SUMF1: variants seen among roughly 807,000 people sequenced by gnomAD.
The protein encoded by SUMF1 is sulfatase modifying factor 1.
A neutral mutation model predicts 47.6 loss-of-function variants in SUMF1; 48 were observed. That is an observed-to-expected ratio of 1.01 (90% CI 0.80 to 1.28). The LOEUF (loss-of-function observed/expected upper bound fraction) is 1.28, where lower values mean the gene tolerates loss of function less well. Ranked by LOEUF, SUMF1 falls within the 50% of genes most tolerant of loss-of-function variation. The pLI, the probability that SUMF1 is intolerant of heterozygous loss-of-function variation, is 0.00. For missense variants in SUMF1, 571 were observed against 485.4 expected (o/e 1.18, Z -1.66); for synonymous variants, 230 against 192.1 (o/e 1.20, Z -1.63).
intron 8 of SUMF1, among the ~76,000 whole-genome samples, chr3:4,190,958 A>C (rs765477022): frequency 5.9e-5 from 9 of 152,178 alleles, no homozygotes; most frequent in African/African-American, 9.7e-5. Context: ...CATTCTAGTG[A>C]AGCCAGACAG....
chr3:4,319,600 T>G (rs1698778265), intron 8 of SUMF1, among the ~76,000 whole-genome samples: 1 of 152,186 alleles, frequency 6.6e-6, no homozygotes, highest in South Asian at 2.1e-4. Flanking sequence ...AAGGGTCAAT[T>G]TCCATGTGTG....
intron 8 of SUMF1, among the ~76,000 whole-genome samples, chr3:4,149,241 C>T (rs910763410): frequency 2.0e-5 from 3 of 152,090 alleles, no homozygotes; most frequent in African/African-American, 4.8e-5. Flanking sequence ...AATAAATTAA[C>T]AGCAATCATG....
intron 8 of SUMF1, among the ~76,000 whole-genome samples, chr3:4,216,228 A>G (rs548899601): frequency 1.8e-4 from 27 of 152,348 alleles, no homozygotes; most frequent in Non-Finnish European, 3.8e-4. Context: ...GGCCTCAGAA[A>G]TAACACCACA....
At chr3:4,240,703 T>C (rs1224342920) in intron 8 of SUMF1, among the ~76,000 whole-genome samples, 1 of 152,020 alleles carries the variant, frequency 6.6e-6, no homozygotes, top group Non-Finnish European at 1.5e-5. Flanking sequence ...TTTCATAAAA[T>C]GTTATAAAGC....
intron 8 of SUMF1, among the ~76,000 whole-genome samples, chr3:4,367,400 G>A (rs62257904): frequency 0.019 from 2,849 of 152,264 alleles, 44 homozygotes; most frequent in East Asian, 0.059. Flanking sequence ...AGCTGCTTAG[G>A]TTATACTGCC....
At chr3:4,150,461 C>A (rs575901102) in intron 8 of SUMF1, among the ~76,000 whole-genome samples, 1 of 151,042 alleles carries the variant, frequency 6.6e-6, no homozygotes, top group Non-Finnish European at 1.5e-5. Flanking sequence ...ACTTGGGAGG[C>A]TAAGGCAGGA....
rs1703019136 is a variant in SUMF1 at position 4,452,879 on chromosome 3, T to C, written c.441A>G (p.Thr147=). The stretch of plus-strand genomic sequence containing the variant: ...CTCCTTTCCCCAATCCCATTACCTC[T>C]GTCAAATAGCCAGTTGAGTTCACAA... ...EKFVNSTGYL[T]EAEKFGDSFV... is the part of the protein sequence containing the mutation. Residue 147 remains threonine (T), a synonymous_variant, in exon 2 of 9, where the codon ACA becomes ACG. Coordinates refer to ENST00000272902, the MANE Select transcript of SUMF1 (RefSeq NM_182760.4). 2 of 1,614,104 alleles carry C rather than the reference T, an allele frequency of 1.2e-6. No homozygotes were observed. The highest frequency in any genetic ancestry group is 1.3e-5 in the African/African-American group (1 of 74,950).
chr3:4,202,367 C>T (rs1304715736), intron 8 of SUMF1, among the ~76,000 whole-genome samples: 1 of 151,886 alleles, frequency 6.6e-6, no homozygotes. Flanking sequence ...GACTGTCCTT[C>T]CCTCAGTGTA....
chr3:4,098,294 A>G (rs1692951429), intron 8 of SUMF1, among the ~76,000 whole-genome samples: 1 of 152,110 alleles, frequency 6.6e-6, no homozygotes. Context: ...AGAAGCAAGT[A>G]TGTTTCTAAG....
chr3:4,418,491 T>C (rs1240527653), intron 4 of SUMF1, among the ~76,000 whole-genome samples: 2 of 152,162 alleles, frequency 1.3e-5, no homozygotes, highest in African/African-American at 4.8e-5. Flanking sequence ...CTGACAGCCA[T>C]CTCAGAGAAA....
At chr3:4,366,325 C>T (rs1159581821) in intron 8 of SUMF1, among the ~76,000 whole-genome samples, 1 of 152,156 alleles carries the variant, frequency 6.6e-6, no homozygotes, top group Non-Finnish European at 1.5e-5. Context: ...CAACTTGGTT[C>T]CATTCTCCCC....
chr3:4,400,970 C>G (rs1169807391), intron 7 of SUMF1, among the ~76,000 whole-genome samples: 1 of 118,182 alleles, frequency 8.5e-6, no homozygotes, highest in African/African-American at 3.3e-5. Flanking sequence ...CCCCCTCCCC[C>G]CACCCCACAA....
At chr3:4,276,493 T>A (rs753934652) in intron 8 of SUMF1, among the ~76,000 whole-genome samples, 8 of 152,196 alleles carry the variant, frequency 5.3e-5, no homozygotes, top group Non-Finnish European at 4.4e-5. Context: ...ATTATTTCTT[T>A]GAAAATCATT....
intron 8 of SUMF1, among the ~76,000 whole-genome samples, chr3:4,355,348 T>C (rs571639567): frequency 6.6e-6 from 1 of 152,280 alleles, no homozygotes; most frequent in South Asian, 2.1e-4. Flanking sequence ...CAGAGGAAGA[T>C]TCTGTCTCAG....
intron 8 of SUMF1, among the ~76,000 whole-genome samples, chr3:4,266,062 G>A (rs1181587844): frequency 3.3e-5 from 5 of 152,116 alleles, no homozygotes; most frequent in Non-Finnish European, 7.4e-5. Context: ...TTATTTCTGA[G>A]GGCTCTGTTC....
At chr3:4,270,947 C>A (rs1220256121) in intron 8 of SUMF1, among the ~76,000 whole-genome samples, 1 of 152,194 alleles carries the variant, frequency 6.6e-6, no homozygotes, top group South Asian at 2.1e-4. Context: ...TTAGCTCTGA[C>A]TGCAGTATGC....
intron 8 of SUMF1, among the ~76,000 whole-genome samples, chr3:4,335,960 C>CA (rs770091674): frequency 0.015 from 1,081 of 73,826 alleles, 34 homozygotes; most frequent in South Asian, 0.025. Context: ...GATTCCAACT[C>CA]AAAAAAAAAA....
chr3:4,258,907 T>C (rs1260984883), intron 8 of SUMF1, among the ~76,000 whole-genome samples: 1 of 138,398 alleles, frequency 7.2e-6, no homozygotes, highest in South Asian at 2.2e-4. Context: ...ATGTCGCACA[T>C]ATACACCATG....
chr3:4,159,163 G>A (rs1007835024), intron 8 of SUMF1, among the ~76,000 whole-genome samples: 1 of 151,084 alleles, frequency 6.6e-6, no homozygotes, highest in Non-Finnish European at 1.5e-5. Flanking sequence ...ACCTTCAGAT[G>A]ACTTACTCCC....
Sources: allele counts gnomAD v4.1 joint callset (sites outside exome capture counted in the v4.1 genomes callset), GRCh38; gene constraint gnomAD v4.1.1; transcripts MANE v1.5; gene names NCBI Gene and HGNC (gene_info 2026-07-23, HGNC 2026-07-21).